The following RABGEF1 variants were observed in gnomAD, a reference collection of about 807,000 sequenced individuals.
RABGEF1 encodes the protein RAB guanine nucleotide exchange factor 1.
RABGEF1 carries 26 observed loss-of-function variants against 57.3 expected under a neutral mutation model. That is an observed-to-expected ratio of 0.45 (90% CI 0.33 to 0.63). The LOEUF (loss-of-function observed/expected upper bound fraction) is 0.63, where lower values mean the gene tolerates loss of function less well. RABGEF1 is among the 20% of genes least tolerant of loss of function. RABGEF1 has a pLI of 0.02. For synonymous variants in RABGEF1, 185 were observed against 210.7 expected (o/e 0.88, Z 1.06); for missense variants, 464 against 607.6 (o/e 0.76, Z 2.48).
intron 1 of RABGEF1, among the ~76,000 whole-genome samples, chr7:66,770,970 T>C (rs892856223): frequency 7.5e-5 from 11 of 147,288 alleles, no homozygotes; most frequent in Non-Finnish European, 1.5e-4. Flanking sequence ...TTATTTGGGT[T>C]TGTTGTTGTT....
chr7:66,791,802 G>A lies in RABGEF1; in HGVS notation c.514-3709G>A, dbSNP rs544690699. ...AAAATTTATTTTAGAAAAATAAAACGACAACTTTACTCAGATGTTATAGAA... is the reference window on the plus strand; with the variant it reads ...AAAATTTATTTTAGAAAAATAAAACAACAACTTTACTCAGATGTTATAGAA... On this transcript the variant is annotated intron_variant, in intron 4 of 8. Transcript: ENST00000284957. 3.3e-5 allele frequency among the ~76,000 whole-genome samples: 5 copies of A among 152,208 alleles called. No homozygotes were observed. In the South Asian group the frequency reaches 6.2e-4, roughly 19 times the overall value.
At chr7:66,680,859 A>G (rs1474515748), upstream of RABGEF1, among the ~76,000 whole-genome samples, 1 of 152,088 alleles carries the variant, frequency 6.6e-6, no homozygotes, top group Admixed American at 6.6e-5. Context: ...AGGCGGGCGG[A>G]TCACTTGAGG....
intron 1 of RABGEF1, among the ~76,000 whole-genome samples, chr7:66,762,362 G>C (rs543601408): frequency 2.4e-4 from 36 of 152,186 alleles, no homozygotes; most frequent in African/African-American, 8.7e-4. Context: ...AGGCCAAGGT[G>C]GGTGGATCAC....
At chr7:66,778,485 C>T (rs189635295) in intron 3 of RABGEF1, among the ~76,000 whole-genome samples, 1 of 152,286 alleles carries the variant, frequency 6.6e-6, no homozygotes, top group African/African-American at 2.4e-5. Context: ...CTTGCTTATA[C>T]ATTCCAAAGT....
intron 2 of RABGEF1, among the ~76,000 whole-genome samples, chr7:66,715,230 T>G (rs1485679825): frequency 2.0e-5 from 3 of 152,090 alleles, no homozygotes; most frequent in Non-Finnish European, 4.4e-5. Context: ...TGGGCTCAAG[T>G]GATTCTCCTG....
intron 1 of RABGEF1, among the ~76,000 whole-genome samples, chr7:66,698,107 C>G (rs905183728): frequency 1.4e-4 from 21 of 152,034 alleles, no homozygotes; most frequent in African/African-American, 4.3e-4. Flanking sequence ...ACGCACCCCC[C>G]CCACCCTCAG....
chr7:66,793,927 GT>G (rs1813365412), intron 4 of RABGEF1, among the ~76,000 whole-genome samples: 1 of 152,100 alleles, frequency 6.6e-6, no homozygotes, highest in South Asian at 2.1e-4. Flanking sequence ...CGTCCTGGGG[GT>G]TTGTTCTCGG....
the RABGEF1 span, chr7:66,669,317 G>T: frequency 1.3e-5 from 2 of 152,458 alleles, no homozygotes; most frequent in African/African-American, 2.4e-5. Flanking sequence ...TCCCTCCCCA[G>T]TCACCAGAGG....
chr7:66,708,203 A>G lies in RABGEF1; in HGVS notation c.-872-3964A>G, dbSNP rs141957039. Reference sequence around the variant, plus strand: ...TTAATTCCTTGTTGTTACTTTTACTATATATTTTTTAGTTCTTTGTGTTTG... The same window carrying G: ...TTAATTCCTTGTTGTTACTTTTACTGTATATTTTTTAGTTCTTTGTGTTTG... On this transcript the variant is annotated intron_variant and NMD_transcript_variant, in intron 1 of 9. Transcript: ENST00000607882. Among the ~76,000 whole-genome samples the G allele has an allele frequency of 1.5e-4, 22 of 150,554 alleles. No individual in the cohort carries two copies. The East Asian group carries it at 2.5e-3, about 17-fold the overall frequency.
chr7:66,737,637 T>TA (rs1798160293), upstream of RABGEF1, among the ~76,000 whole-genome samples: 2 of 152,188 alleles, frequency 1.3e-5, no homozygotes, highest in Admixed American at 1.3e-4. Flanking sequence ...AAGTCTTTTT[T>TA]AAAAAACCTC....
chr7:66,705,697 TTTTTTTTTTG>T (rs1793956986), intron 1 of RABGEF1, among the ~76,000 whole-genome samples: 2 of 149,616 alleles, frequency 1.3e-5, no homozygotes, highest in African/African-American at 2.4e-5. Flanking sequence ...ATACAAGTGT[TTTTTTTTTTG>T]TTTTTTTTTG....
Position 66,744,041 on chromosome 7 carries a change from CTTTTT to C in RABGEF1, c.-18+3259_-18+3263del, listed in dbSNP as rs111338333. 2.5e-3 allele frequency among the ~76,000 whole-genome samples: 238 copies of C among 95,050 alleles called. 3 individuals carry two copies. Among genetic ancestry groups the C allele is most frequent in the Non-Finnish European group, 4.8e-3 (174 of 36,038 alleles). 62.4% of individuals were successfully genotyped at this position (95,050 alleles called of 152,430 possible). On this transcript the variant is annotated intron_variant, in intron 1 of 8. Coordinates refer to ENST00000284957, the MANE Select transcript of RABGEF1 (RefSeq NM_014504.3). ...TTGCTTTTTTCTTTTCTTTTCTTTT[CTTTTT>C]TTTTTTTTTAAGACGGAGTCTTGAT...
At chr7:66,765,847 A>T (rs1383469181) in intron 1 of RABGEF1, among the ~76,000 whole-genome samples, 1 of 152,188 alleles carries the variant, frequency 6.6e-6, no homozygotes, top group Admixed American at 6.5e-5. Context: ...ATCTTTGTGG[A>T]TTGAGAGGAC....
At chr7:66,803,654 G>A (rs1157876886) in intron 7 of RABGEF1, among the ~76,000 whole-genome samples, 1 of 152,134 alleles carries the variant, frequency 6.6e-6, no homozygotes, top group Admixed American at 6.6e-5. Flanking sequence ...ATTTTGGGAG[G>A]CTGAGGTGGG....
upstream of RABGEF1, among the ~76,000 whole-genome samples, chr7:66,677,737 G>C (rs569915218): frequency 1.3e-5 from 2 of 148,664 alleles, no homozygotes; most frequent in African/African-American, 5.0e-5. Flanking sequence ...ACTCCAGCCT[G>C]GGTGACAAAG....
At chr7:66,706,867 T>C (rs1794177733) in intron 1 of RABGEF1, among the ~76,000 whole-genome samples, 1 of 148,298 alleles carries the variant, frequency 6.7e-6, no homozygotes, top group South Asian at 2.3e-4. Context: ...CTGCAAGCTC[T>C]GCCTCCCGGG....
chr7:66,673,564 A>T, the RABGEF1 span, among the ~76,000 whole-genome samples: 1 of 151,016 alleles, frequency 6.6e-6, no homozygotes, highest in African/African-American at 2.4e-5. Flanking sequence ...ATTACATGGG[A>T]TAACCCATGA....
At chr7:66,772,874 T>G (rs1354983645) in intron 2 of RABGEF1, among the ~76,000 whole-genome samples, 2 of 150,520 alleles carry the variant, frequency 1.3e-5, no homozygotes, top group African/African-American at 4.9e-5. Context: ...ATCATGCCAC[T>G]GCACTCCAGC....
At chr7:66,740,601 A>G (rs117166130), upstream of RABGEF1, 2,237 of 152,614 alleles carry the variant, frequency 0.015, 61 homozygotes, top group East Asian at 0.093. Flanking sequence ...ATCCACTCGC[A>G]CTTCCTCCCG....
Sources: allele counts gnomAD v4.1 joint callset (sites outside exome capture counted in the v4.1 genomes callset), GRCh38; gene constraint gnomAD v4.1.1; transcripts MANE v1.5; gene names NCBI Gene and HGNC (gene_info 2026-07-23, HGNC 2026-07-21).